GMPS: variants seen among roughly 807,000 people sequenced by gnomAD.
GMPS encodes the protein GMP synthase [glutamine-hydrolyzing].
In GMPS, 15 loss-of-function variants were observed where a neutral mutation model predicts 77.9. The ratio of observed to expected loss-of-function variants is 0.19; its 90% CI spans 0.13 to 0.30. The LOEUF is 0.30. Among genes scored for constraint, GMPS ranks in the 10% least tolerant of loss-of-function variants. The pLI, the probability that GMPS is intolerant of heterozygous loss-of-function variation, is 1.00. For missense variants in GMPS, 590 were observed against 838.8 expected, an observed-to-expected ratio of 0.70 and a Z score of 3.66; for synonymous variants, 224 against 275.9, an observed-to-expected ratio of 0.81 and a Z score of 1.86.
Position 155,916,199 on chromosome 3 carries a change from G to A in GMPS, c.1212+7G>A. On this transcript the variant is annotated splice_region_variant and intron_variant, in intron 9 of 15. Coordinates refer to ENST00000496455, the MANE Select transcript of GMPS (RefSeq NM_003875.3). ...CAGAAAGTTGAGAGAGGAGGTAAAAGTTTATGAAAACTTTTTCATAAAGTA... is the reference window on the plus strand; with the variant it reads ...CAGAAAGTTGAGAGAGGAGGTAAAAATTTATGAAAACTTTTTCATAAAGTA... 6.3e-7 allele frequency: 1 copy of A among 1,594,734 alleles called. No individual in the cohort carries two copies. The highest frequency in any genetic ancestry group is 8.6e-7 in the Non-Finnish European group (1 of 1,167,418).
upstream of GMPS, chr3:155,870,579 C>T (rs937073391): frequency 1.1e-5 from 4 of 373,266 alleles, no homozygotes; most frequent in Non-Finnish European, 1.9e-5. Flanking sequence ...GTATCTGAGG[C>T]TCGGCTGCCA....
chr3:155,878,174 T>G (rs1348799603), intron 1 of GMPS, among the ~76,000 whole-genome samples: 1 of 152,156 alleles, frequency 6.6e-6, no homozygotes, highest in African/African-American at 2.4e-5. Context: ...ATTATCACAT[T>G]GGTGATTAGG....
chr3:155,931,864 T>C lies in GMPS; in HGVS notation c.1660T>C (p.Cys554Arg). 6.6e-7 allele frequency: 1 copy of C among 1,523,954 alleles called. No individual in the cohort carries two copies. Among genetic ancestry groups the C allele is most frequent in the South Asian group, 1.1e-5 (1 of 89,142 alleles). The allele number at this position is 1,523,954 out of a possible 1,614,324, so 94.4% of individuals were successfully genotyped here. ...TCTGGCTAGGCTTATACCTCGCATG[T>C]GTCACAACGTTAACAGGTGTGTTTC... ...IFLARLIPRM[C>R]HNVNRVVYIF... Residue 554 changes from cysteine to arginine, a missense_variant, in exon 13 of 16, where the codon TGT becomes CGT. Transcript: ENST00000496455.
At chr3:155,889,134 A>G (rs531338166) in intron 1 of GMPS, among the ~76,000 whole-genome samples, 1 of 152,332 alleles carries the variant, frequency 6.6e-6, no homozygotes, top group East Asian at 1.9e-4. Flanking sequence ...AAGCTAGTCA[A>G]GATAACGTTT....
chr3:155,898,178 T>G (rs749410513), intron 3 of GMPS, 137 bp downstream of exon 3: 75 of 656,144 alleles, frequency 1.1e-4, no homozygotes, highest in Non-Finnish European at 1.8e-4. Flanking sequence ...TACAACTATG[T>G]GAATTGCCAC....
chr3:155,878,136 C>G (rs1222623108), intron 1 of GMPS, among the ~76,000 whole-genome samples: 1 of 152,108 alleles, frequency 6.6e-6, no homozygotes, highest in African/African-American at 2.4e-5. Context: ...CATGCTCTAA[C>G]CACCTCCCAA....
chr3:155,935,145 T>C, intron 14 of GMPS, 99 bp downstream of exon 14: 1 of 790,176 alleles, frequency 1.3e-6, no homozygotes, highest in Non-Finnish European at 2.2e-6. Flanking sequence ...TTAGATGCTT[T>C]TGTTTTTATT....
chr3:155,898,097 C>G lies in GMPS; in HGVS notation c.324+56C>G, dbSNP rs371930265. On this transcript the variant is annotated intron_variant, in intron 3 of 15. Transcript: ENST00000496455. ...CTTATATTTTATTCTGTTTGTGAGT[C>G]ATACTGTATTAGTATTTTCTCTCTT... is the stretch of plus-strand genomic sequence containing the variant. 50 of 846,934 alleles carry G rather than the reference C, an allele frequency of 5.9e-5. No homozygotes were observed. In the African/African-American group the frequency reaches 6.0e-4, roughly 10 times the overall value. The allele number at this position is 846,934 out of a possible 1,614,324, so 52.5% of individuals were successfully genotyped here.
In GMPS at chr3:155,913,052, A is replaced by T. The variant is rs1409498834; in HGVS notation, c.887-1367A>T. Among the ~76,000 whole-genome samples the T allele has an allele frequency of 2.0e-5, 3 of 152,178 alleles. No individual in the cohort carries two copies. In the East Asian group the frequency reaches 5.8e-4, roughly 29 times the overall value. The stretch of plus-strand genomic sequence containing the variant: ...TAATACCAGGCATAGTTGAGGGTGG[A>T]GGTAAGACTCTACATTAAGAACAGG... On this transcript the variant is annotated intron_variant, in intron 7 of 15. Transcript: ENST00000496455.
At chr3:155,914,649 C>A in intron 8 of GMPS, 79 bp downstream of exon 8, 2 of 839,304 alleles carry the variant, frequency 2.4e-6, no homozygotes, top group Non-Finnish European at 3.6e-6. Flanking sequence ...GTCACTATAT[C>A]AAATAACCAA....
At chr3:155,898,854 G>A (rs1754662644) in intron 3 of GMPS, among the ~76,000 whole-genome samples, 1 of 152,074 alleles carries the variant, frequency 6.6e-6, no homozygotes, top group South Asian at 2.1e-4. Context: ...ATGTTAACTT[G>A]GATTATTTGG....
In GMPS at chr3:155,913,523, A is replaced by ATT. The variant is rs5853733; in HGVS notation, c.887-881_887-880dup. 6.3e-3 allele frequency among the ~76,000 whole-genome samples: 898 copies of ATT among 142,226 alleles called. 8 individuals are homozygous for ATT. Among genetic ancestry groups the ATT allele is most frequent in the African/African-American group, 0.012 (446 of 38,398 alleles). The allele number at this position is 142,226 out of a possible 152,430, so 93.3% of individuals were successfully genotyped here. ...AAGAGAGGGAAAACAATCAGCATAA[A>ATT]TTTTTTTTTTTTTTTTGAGACAGAG... On this transcript the variant is annotated intron_variant, in intron 7 of 15. Coordinates refer to ENST00000496455, the MANE Select transcript of GMPS (RefSeq NM_003875.3).
rs1479544851 is a variant in GMPS, at chr3:155,910,852, G to C, written c.687G>C (p.Glu229Asp). 6.3e-7 allele frequency: 1 copy of C among 1,598,964 alleles called. No homozygotes were observed. The highest frequency in any genetic ancestry group is 1.3e-5 in the African/African-American group (1 of 74,160). Residue 229 changes from glutamate to aspartate, a missense_variant, in exon 6 of 16, where the codon GAG becomes GAC. This residue lies in a region of GMPS where 181 missense variants were observed against 186.8 expected (regional missense o/e 0.97). Transcript: ENST00000496455. The stretch of plus-strand genomic sequence containing the variant: ...ACAGAGAACTTGAGTGTATTCGAGA[G>C]ATCAAAGAGAGAGTAGGCACGTCAA... ...VQNRELECIR[E>D]IKERVGTSKV... is the part of the protein sequence containing the mutation.
At chr3:155,906,915 G>C (rs1326246267) in intron 5 of GMPS, among the ~76,000 whole-genome samples, 1 of 152,076 alleles carries the variant, frequency 6.6e-6, no homozygotes, top group East Asian at 1.9e-4. Flanking sequence ...TGACTTTCTG[G>C]CTGTTTGGGG....
intron 9 of GMPS, among the ~76,000 whole-genome samples, chr3:155,918,597 T>G (rs1755242660): frequency 6.6e-6 from 1 of 152,222 alleles, no homozygotes; most frequent in Admixed American, 6.5e-5. Context: ...TGGAGAAATG[T>G]CTATTCGTAT....
Position 155,922,321 on chromosome 3 carries a change from A to ACAAATATCATTACAAG in GMPS, c.1434+19_1434+20insCAAATATCATTACAAG, listed in dbSNP as rs758565548. The stretch of plus-strand genomic sequence containing the variant: ...TAAAAAGGTAATATTTGATACAGCT[A>ACAAATATCATTACAAG]ATCATTACAAGAAATTGAACGGATT... On this transcript the variant is annotated intron_variant, in intron 11 of 15. Coordinates refer to ENST00000496455, the MANE Select transcript of GMPS (RefSeq NM_003875.3). The ACAAATATCATTACAAG allele has an allele frequency of 1.1e-6, 1 of 915,534 alleles. No homozygotes were observed. Among genetic ancestry groups the ACAAATATCATTACAAG allele is most frequent in the South Asian group, 1.6e-5 (1 of 62,276 alleles). 56.7% of individuals were successfully genotyped at this position (915,534 alleles called of 1,614,324 possible). A position where few individuals can be genotyped will look rare whatever the true frequency, so the allele number is the denominator to read the frequency against.
At chr3:155,923,682 G>A (rs1301803212) in intron 11 of GMPS, among the ~76,000 whole-genome samples, 1 of 152,118 alleles carries the variant, frequency 6.6e-6, no homozygotes, top group Non-Finnish European at 1.5e-5. Flanking sequence ...AGATTAAATA[G>A]AATTTACTAC....
chr3:155,936,509 A>C lies in GMPS; in HGVS notation c.1979A>C (p.Glu660Ala). The C allele has an allele frequency of 6.3e-7, 1 of 1,576,382 alleles. No homozygotes were observed. The highest frequency in any genetic ancestry group is 8.7e-7 in the Non-Finnish European group (1 of 1,146,844). The change falls in exon 15 of 16, where the codon GAG (glutamate) becomes GCG (alanine). Residue 660 changes from glutamate to alanine, a missense_variant and splice_region_variant. Around this residue, in one of 6 missense-constraint regions of GMPS, gnomAD observed 73 missense variants for 170.5 expected, o/e 0.43. Transcript: ENST00000496455. The stretch of plus-strand genomic sequence containing the variant: ...ACACCTGGCAATGAGATCCCTGTAG[A>C]GGTAATTTATATATTTTTTTCTAAT... ...PATPGNEIPV[E>A]VVLKMVTEIK...
Position 155,893,596 on chromosome 3 carries a change from C to T in GMPS, c.106C>T (p.Gln36Ter), listed in dbSNP as rs1358289384. ...GAVVILDAGA[Q>*]YGKVIDRRVR... ...TGTTGTCATTCTGGATGCTGGTGCTCAGTACGGGAAAGTCATAGACCGAAG... is the reference window on the plus strand; with the variant it reads ...TGTTGTCATTCTGGATGCTGGTGCTTAGTACGGGAAAGTCATAGACCGAAG... Residue 36 changes from glutamine to a stop codon, truncating the protein, a stop_gained, in exon 2 of 16, where the codon CAG (glutamine) becomes TAG (stop). Coordinates refer to ENST00000496455, the MANE Select transcript of GMPS (RefSeq NM_003875.3). LOFTEE classifies it high-confidence loss of function. 1 of 1,612,116 alleles carries T rather than the reference C, an allele frequency of 6.2e-7. No individual in the cohort carries two copies. Among genetic ancestry groups the T allele is most frequent in the Non-Finnish European group, 8.5e-7 (1 of 1,178,230 alleles).
Sources: gnomAD v4.1 joint callset for allele counts (sites outside exome capture counted in the v4.1 genomes callset) on GRCh38, gnomAD v4.1.1 for gene constraint, gnomAD v4.1.1 regional missense constraint, MANE v1.5 for transcripts, NCBI Gene and HGNC (gene_info 2026-07-23, HGNC 2026-07-21) for gene names.